Variants in TJP1 observed in about 807,000 individuals in gnomAD.
TJP1 encodes the protein tight junction protein 1.
TJP1 carries 43 observed loss-of-function variants against 194.2 expected under a neutral mutation model. The ratio of observed to expected loss-of-function variants is 0.22; its 90% CI spans 0.17 to 0.29. The LOEUF is 0.29. Ranked by LOEUF, TJP1 falls within the 10% of genes least tolerant of loss-of-function variation. The pLI is 1.00. For missense variants in TJP1, 1,971 were observed against 2,185.7 expected (o/e 0.90, Z 1.96); for synonymous variants, 801 against 779.0 (o/e 1.03, Z -0.47).
In TJP1 at chr15:29,901,004, G is replaced by A. The variant is rs78212336; in HGVS notation, c.306+55228C>T. ...GCTGCCTGGAGTAGGTGACAACAGA[G>A]TAGTGGTGTCTTCTCAAGAGGAAAA... On this transcript the variant is annotated intron_variant, in intron 2 of 28. Transcript: ENST00000356107. Among the ~76,000 whole-genome samples the A allele has an allele frequency of 2.7e-3, 418 of 152,182 alleles. 7 individuals are homozygous for A. In the East Asian group the frequency reaches 0.044, roughly 16 times the overall value.
At chr15:29,918,858 G>T (rs1292085757) in intron 2 of TJP1, among the ~76,000 whole-genome samples, 1 of 152,142 alleles carries the variant, frequency 6.6e-6, no homozygotes, top group Non-Finnish European at 1.5e-5. Flanking sequence ...AATAATCAAT[G>T]AAGATGGTCC....
chr15:29,960,971 T>C (rs1246498673), intron 1 of TJP1, among the ~76,000 whole-genome samples: 1 of 152,184 alleles, frequency 6.6e-6, no homozygotes, highest in Non-Finnish European at 1.5e-5. Context: ...GAATTTTAGA[T>C]GTTGCTTCTC....
intron 2 of TJP1, among the ~76,000 whole-genome samples, chr15:29,889,392 A>C (rs1045060624): frequency 7.9e-5 from 12 of 152,370 alleles, no homozygotes; most frequent in African/African-American, 2.4e-4. Context: ...CTACAAATGT[A>C]GTTTTAAATG....
intron 2 of TJP1, among the ~76,000 whole-genome samples, chr15:29,832,263 G>A (rs1456047240): frequency 1.3e-5 from 2 of 152,100 alleles, no homozygotes; most frequent in African/African-American, 4.8e-5. Context: ...TAGCTTGCTG[G>A]AGAGGTCATG....
chr15:29,799,133 T>G (rs528647421), intron 2 of TJP1, among the ~76,000 whole-genome samples: 1 of 152,272 alleles, frequency 6.6e-6, no homozygotes, highest in South Asian at 2.1e-4. Context: ...TCACTGTATG[T>G]AAATTATACC....
At chr15:29,866,684 G>A (rs1376244955) in intron 2 of TJP1, among the ~76,000 whole-genome samples, 2 of 152,226 alleles carry the variant, frequency 1.3e-5, no homozygotes, top group Non-Finnish European at 2.9e-5. Context: ...ACCCCGGAAT[G>A]TCTGGAAAGT....
intron 2 of TJP1, among the ~76,000 whole-genome samples, chr15:29,880,918 C>T (rs1423856428): frequency 6.6e-6 from 1 of 152,178 alleles, no homozygotes; most frequent in African/African-American, 2.4e-5. Context: ...GTGCAAATAT[C>T]TCTTCAAGAT....
At chr15:29,829,487 T>C (rs533767107) in intron 2 of TJP1, among the ~76,000 whole-genome samples, 40 of 152,260 alleles carry the variant, frequency 2.6e-4, no homozygotes, top group African/African-American at 8.9e-4. Context: ...AGGAAACTTT[T>C]TTCCTCATGC....
intron 1 of TJP1, among the ~76,000 whole-genome samples, chr15:29,804,276 G>A (rs1053881252): frequency 4.6e-5 from 7 of 152,108 alleles, no homozygotes; most frequent in African/African-American, 1.7e-4. Flanking sequence ...TAGTGGTTGG[G>A]ATTCAGGTAA....
intron 1 of TJP1, among the ~76,000 whole-genome samples, chr15:29,966,306 G>A (rs992665594): frequency 6.6e-6 from 1 of 151,930 alleles, no homozygotes. Flanking sequence ...AGTTTGAGAC[G>A]AGCCTGACCA....
At chr15:29,895,135 C>A (rs905577475) in intron 2 of TJP1, among the ~76,000 whole-genome samples, 2 of 152,154 alleles carry the variant, frequency 1.3e-5, no homozygotes, top group Non-Finnish European at 2.9e-5. Flanking sequence ...ATGACTAGCA[C>A]CTGGTGGATT....
intron 2 of TJP1, among the ~76,000 whole-genome samples, chr15:29,784,321 CAG>C (rs1369419187): frequency 1.3e-5 from 2 of 151,738 alleles, no homozygotes; most frequent in African/African-American, 2.4e-5. Context: ...TCTTTTGAGA[CAG>C]AGTTTCGCTC....
In TJP1 at chr15:29,796,298, A is replaced by G. The variant is rs576185391; in HGVS notation, c.84+4348T>C. 8.5e-5 allele frequency among the ~76,000 whole-genome samples: 13 copies of G among 152,090 alleles called. No homozygotes were observed. In the South Asian group the frequency reaches 2.7e-3, roughly 32 times the overall value. On this transcript the variant is annotated intron_variant, in intron 2 of 27. Coordinates refer to ENST00000614355, the MANE Select transcript of TJP1 (RefSeq NM_001330239.4). ...GAAAACACCCAGGAATCTAAACAAG[A>G]AAGTTCCTACAACTAGTAATTTTAA...
intron 4 of TJP1, among the ~76,000 whole-genome samples, chr15:29,771,678 G>A (rs1165874347): frequency 2.0e-5 from 3 of 151,986 alleles, no homozygotes; most frequent in Non-Finnish European, 2.9e-5. Context: ...GGTGTCAAGC[G>A]CCTGTAGTCC....
intron 2 of TJP1, among the ~76,000 whole-genome samples, chr15:29,839,355 A>G (rs1778338955): frequency 6.6e-6 from 1 of 152,190 alleles, no homozygotes; most frequent in Non-Finnish European, 1.5e-5. Flanking sequence ...TATTATAAAA[A>G]TAGTGGCTGG....
intron 15 of TJP1, chr15:29,728,844 G>A (rs1463173963): frequency 2.6e-5 from 4 of 152,134 alleles, no homozygotes; most frequent in Admixed American, 1.3e-4. Flanking sequence ...GGCAAGCAGG[G>A]CAGAATTTCA....
chr15:29,931,145 T>C (rs1355639769), intron 2 of TJP1, among the ~76,000 whole-genome samples: 6 of 152,304 alleles, frequency 3.9e-5, no homozygotes, highest in African/African-American at 1.2e-4. Flanking sequence ...AAAGAAAATG[T>C]TGTTAAAAAA....
intron 2 of TJP1, among the ~76,000 whole-genome samples, chr15:29,834,893 T>C (rs2050973622): frequency 6.6e-6 from 1 of 152,202 alleles, no homozygotes; most frequent in African/African-American, 2.4e-5. Flanking sequence ...GAAAAGCCAA[T>C]AGATTCATTA....
intron 23 of TJP1, among the ~76,000 whole-genome samples, chr15:29,712,150 T>A (rs1247847196): frequency 6.6e-6 from 1 of 152,240 alleles, no homozygotes; most frequent in Non-Finnish European, 1.5e-5. Flanking sequence ...TAGCTTTATG[T>A]GCACCAACAA....
Sources: gnomAD v4.1 joint callset for allele counts (sites outside exome capture counted in the v4.1 genomes callset) on GRCh38, gnomAD v4.1.1 for gene constraint, MANE v1.5 for transcripts, NCBI Gene and HGNC (gene_info 2026-07-23, HGNC 2026-07-21) for gene names.